The following SLC22A14 variants were observed in gnomAD, a reference collection of about 807,000 sequenced individuals.
SLC22A14 encodes solute carrier family 22 member 14.
In SLC22A14, 50 loss-of-function variants were observed where a neutral mutation model predicts 53.9. That is an observed-to-expected ratio of 0.93 (90% CI 0.74 to 1.17). The LOEUF is 1.17. Ranked by LOEUF, SLC22A14 falls within the 50% of genes most tolerant of loss-of-function variation. The probability of loss-of-function intolerance (pLI) is 0.00; values close to 1 mark genes in which losing one functional copy is unlikely to be tolerated. For missense variants in SLC22A14, 671 were observed against 734.7 expected, an observed-to-expected ratio of 0.91 and a Z score of 1.00; for synonymous variants, 312 against 303.0, an observed-to-expected ratio of 1.03 and a Z score of -0.31.
chr3:38,286,246 A>T (rs541392848), intron 1 of SLC22A14, among the ~76,000 whole-genome samples: 56 of 152,302 alleles, frequency 3.7e-4, no homozygotes, highest in African/African-American at 1.3e-3. Context: ...GTCTCAAAAA[A>T]CAAAAAACTT....
intron 1 of SLC22A14, chr3:38,305,824 C>G (rs1394401722): frequency 1.7e-6 from 1 of 580,412 alleles, no homozygotes; most frequent in South Asian, 2.4e-5. Context: ...CTCAATTACA[C>G]TAAAACTCCA....
In SLC22A14 at chr3:38,313,830, G is replaced by C. The variant is rs1704553433; in HGVS notation, c.1267G>C (p.Ala423Pro). 1 of 1,613,944 alleles carries C rather than the reference G, an allele frequency of 6.2e-7. No individual in the cohort carries two copies. The highest frequency in any genetic ancestry group is 1.7e-5 in the Admixed American group (1 of 60,006). ...HVVPSIMEVP[A>P]RLCCIFLLQQ... ...GGTCCCCAGCATCATGGAGGTGCCTGCCCGGCTGTGCTGCATCTTTCTCCT... is the reference window on the plus strand; with the variant it reads ...GGTCCCCAGCATCATGGAGGTGCCTCCCCGGCTGTGCTGCATCTTTCTCCT... The change falls in exon 8 of 11, where the codon GCC becomes CCC. Residue 423 changes from alanine to proline, a missense_variant. Physicochemically the swap from Ala to Pro is conservative, Grantham distance 27. Transcript: ENST00000448498.
chr3:38,313,685 T>TGTGTGCGTGTGCGTGC, intron 7 of SLC22A14, 42 bp from the exon 8 acceptor site: 3 of 901,922 alleles, frequency 3.3e-6, no homozygotes, highest in South Asian at 1.4e-5. Flanking sequence ...TCCGTGTGTG[T>TGTGTGCGTGTGCGTGC]GCGCGCGTGT....
intron 1 of SLC22A14, among the ~76,000 whole-genome samples, chr3:38,289,976 T>C (rs1272681290): frequency 6.6e-6 from 1 of 152,246 alleles, no homozygotes; most frequent in African/African-American, 2.4e-5. Context: ...CCTCCTGCTG[T>C]GCTCTCAGGC....
At position 38,317,566 on chromosome 3, in the gene SLC22A14, C is replaced by T. The variant is rs780600392; in HGVS notation, c.1734-632C>T. 4.3e-4 allele frequency among the ~76,000 whole-genome samples: 65 copies of T among 152,230 alleles called. 1 individual carries two copies. Among genetic ancestry groups the T allele is most frequent in the Non-Finnish European group, 6.8e-4 (46 of 68,016 alleles). On this transcript the variant is annotated intron_variant, in intron 10 of 10. Transcript: ENST00000448498. ...TAGAGAGAGGAAGTTCAGCGCCGCACGGGAAGAGAGGATAATGGTTATGGG... is the reference window on the plus strand; with the variant it reads ...TAGAGAGAGGAAGTTCAGCGCCGCATGGGAAGAGAGGATAATGGTTATGGG...
chr3:38,314,900 G>C (rs1704577548), intron 8 of SLC22A14, among the ~76,000 whole-genome samples: 1 of 152,234 alleles, frequency 6.6e-6, no homozygotes, highest in African/African-American at 2.4e-5. Flanking sequence ...GATAAAACTG[G>C]ATCTCTGATT....
intron 1 of SLC22A14, among the ~76,000 whole-genome samples, chr3:38,303,552 T>C (rs529207504): frequency 4.6e-5 from 7 of 152,162 alleles, no homozygotes; most frequent in African/African-American, 1.7e-4. Context: ...CTATCATCTC[T>C]ATCTCTATCT....
intron 8 of SLC22A14, 89 bp from the exon 9 acceptor site, chr3:38,315,469 G>C (rs1704593500): frequency 2.2e-6 from 3 of 1,379,210 alleles, no homozygotes; most frequent in Non-Finnish European, 3.0e-6. Context: ...CTGCTGGCCA[G>C]CTGGGCAGGT....
chr3:38,297,549 T>C (rs1016143077), intron 1 of SLC22A14, among the ~76,000 whole-genome samples: 1 of 152,178 alleles, frequency 6.6e-6, no homozygotes, highest in African/African-American at 2.4e-5. Flanking sequence ...GTTTGCTGCA[T>C]GGATCAATCC....
rs1209278932 is a variant in SLC22A14, at chr3:38,306,093, C to A, written c.67C>A (p.His23Asn). The A allele has an allele frequency of 6.2e-7, 1 of 1,614,064 alleles. No individual in the cohort carries two copies. The highest frequency in any genetic ancestry group is 1.1e-5 in the South Asian group (1 of 91,072). ...GGATGCTTCCAGGAACTTGAACCAG[C>A]ATGAGGTAGCAGGACATCCACATTC... ...SQDASRNLNQ[H>N]EVAGHPHSWS... Residue 23 changes from histidine to asparagine, a missense_variant, in exon 2 of 11, where the codon CAT (histidine) becomes AAT (asparagine). His to Asn is a moderately conservative substitution (Grantham distance 68, BLOSUM62 1). Coordinates refer to ENST00000448498, the MANE Select transcript of SLC22A14 (RefSeq NM_001320033.2).
intron 1 of SLC22A14, among the ~76,000 whole-genome samples, chr3:38,288,162 G>C (rs1420588566): frequency 6.6e-6 from 1 of 152,118 alleles, no homozygotes; most frequent in Non-Finnish European, 1.5e-5. Flanking sequence ...ATTTGACTAG[G>C]TACCTCATAT....
In SLC22A14 at chr3:38,309,042, G is replaced by T; in HGVS notation, c.864G>T (p.Gly288=). Residue 288 remains glycine (G), a synonymous_variant, in exon 5 of 11, where the codon GGG becomes GGT. Coordinates refer to ENST00000448498, the MANE Select transcript of SLC22A14 (RefSeq NM_001320033.2). ...CTGTTGGGGCCGTGTTGCTGACAGGGATCGCCTACAGTCTTCCCCACTGGC... is the reference window on the plus strand; with the variant it reads ...CTGTTGGGGCCGTGTTGCTGACAGGTATCGCCTACAGTCTTCCCCACTGGC... The part of the protein sequence containing the change: ...FFAVGAVLLT[G]IAYSLPHWQL... 6.2e-7 allele frequency: 1 copy of T among 1,614,078 alleles called. No individual in the cohort carries two copies. The highest frequency in any genetic ancestry group is 8.5e-7 in the Non-Finnish European group (1 of 1,179,910).
At chr3:38,302,379 G>C (rs182398242) in intron 1 of SLC22A14, among the ~76,000 whole-genome samples, 21 of 85,146 alleles carry the variant, frequency 2.5e-4, no homozygotes, top group Non-Finnish European at 3.3e-4. Context: ...TTGCATTTCT[G>C]GTTAAAACTG....
intron 5 of SLC22A14, 99 bp downstream of exon 5, chr3:38,309,221 T>C: frequency 9.3e-7 from 1 of 1,076,930 alleles, no homozygotes; most frequent in Non-Finnish European, 1.4e-6. Context: ...GGGTGGGATT[T>C]CCCCTGGGAG....
At position 38,316,429 on chromosome 3, in the gene SLC22A14, C is replaced by A. The variant is rs116205264; in HGVS notation, c.1638C>A (p.Cys546Ter). Residue 546 changes from cysteine (C) to a stop codon, truncating the protein, a stop_gained, in exon 10 of 11, where the codon TGC (cysteine) becomes TGA (stop). Coordinates refer to ENST00000448498, the MANE Select transcript of SLC22A14 (RefSeq NM_001320033.2). LOFTEE classifies it high-confidence loss of function. ...CCCTCCTGCCCATCTTTCTCTGCTG[C>A]GTCTTAGCCATCGTGGCCTTTTCCC... ...TPSLLPIFLC[C>*]VLAIVAFSLS... 2.3e-5 allele frequency: 37 copies of A among 1,614,170 alleles called. No homozygotes were observed. The highest frequency in any genetic ancestry group is 3.1e-5 in the Non-Finnish European group (37 of 1,180,012).
At chr3:38,317,389 G>T (rs540942469) in intron 10 of SLC22A14, among the ~76,000 whole-genome samples, 2 of 152,222 alleles carry the variant, frequency 1.3e-5, no homozygotes, top group Admixed American at 6.5e-5. Flanking sequence ...GACAGATGAT[G>T]CAAACAGTTC....
intron 1 of SLC22A14, among the ~76,000 whole-genome samples, chr3:38,288,662 A>G (rs1703842596): frequency 6.6e-6 from 1 of 152,078 alleles, no homozygotes; most frequent in Admixed American, 6.6e-5. Flanking sequence ...GTTGTTTCTA[A>G]TCTATATTTC....
rs778478329 is a variant in SLC22A14 at position 38,306,082 on chromosome 3, A to C, written c.56A>C (p.Asn19Thr). 13 of 1,613,888 alleles carry C rather than the reference A, an allele frequency of 8.1e-6. No homozygotes were observed. The highest frequency in any genetic ancestry group is 3.3e-5 in the Admixed American group (2 of 59,986). The change falls in exon 2 of 11, where the codon AAC becomes ACC. Residue 19 changes from asparagine to threonine, a missense_variant. Asn to Thr is a moderately conservative substitution (Grantham distance 65, BLOSUM62 0). Transcript: ENST00000448498. ...EELRSQDASRNLNQHEVAGHP... is the reference protein window; with the variant it reads ...EELRSQDASRTLNQHEVAGHP... The stretch of plus-strand genomic sequence containing the variant: ...CTCAGATCCCAGGATGCTTCCAGGA[A>C]CTTGAACCAGCATGAGGTAGCAGGA...
chr3:38,313,057 C>T lies in SLC22A14; in HGVS notation c.1003C>T (p.Gln335Ter). Reference protein sequence around the residue: ...MMKGKVKEAKQVLCYAASVNK... With the variant: ...MMKGKVKEAK ...GAAAGGGAAGGTGAAGGAGGCCAAG[C>T]AGGTGCTGTGCTACGCCGCAAGTGT... The change falls in exon 6 of 11, where the codon CAG becomes TAG. Residue 335 changes from glutamine (Q) to a stop codon, truncating the protein, a stop_gained. Coordinates refer to ENST00000448498, the MANE Select transcript of SLC22A14 (RefSeq NM_001320033.2). LOFTEE classifies it high-confidence loss of function. 6.2e-7 allele frequency: 1 copy of T among 1,600,780 alleles called. No homozygotes were observed. The highest frequency in any genetic ancestry group is 1.1e-5 in the South Asian group (1 of 88,248).
Sources: gnomAD v4.1 joint callset for allele counts (sites outside exome capture counted in the v4.1 genomes callset) on GRCh38, gnomAD v4.1.1 for gene constraint, MANE v1.5 for transcripts, NCBI Gene and HGNC (gene_info 2026-07-23, HGNC 2026-07-21) for gene names.